BRME1: variants seen among roughly 807,000 people sequenced by gnomAD.
BRME1 encodes the protein break repair meiotic recombinase recruitment factor 1, also known as BRCA2 and MEILB2-associating protein 1.
A neutral mutation model predicts 52.6 loss-of-function variants in BRME1; 31 were observed. The observed-to-expected ratio is 0.59, with a 90% CI of 0.44 to 0.80. The LOEUF is 0.80. BRME1 is among the 30% of genes least tolerant of loss of function. The pLI is 0.00. For missense variants in BRME1, 804 were observed against 860.3 expected (o/e 0.93, Z 0.82); for synonymous variants, 359 against 353.6 (o/e 1.02, Z -0.17).
At chr19:13,901,621 C>T (rs1353313844) in intron 2 of BRME1, among the ~76,000 whole-genome samples, 2 of 151,370 alleles carry the variant, frequency 1.3e-5, no homozygotes, top group Non-Finnish European at 2.9e-5. Context: ...ATCACTTGAA[C>T]CCAGGAGGCA....
chr19:13,886,843 G>A (rs896035931), intron 6 of BRME1, among the ~76,000 whole-genome samples: 4 of 151,862 alleles, frequency 2.6e-5, no homozygotes, highest in Non-Finnish European at 5.9e-5. Flanking sequence ...ACGCACCTGT[G>A]GTCCTAGCTA....
chr19:13,904,238 G>T (rs988443431), intron 2 of BRME1, among the ~76,000 whole-genome samples: 1 of 151,854 alleles, frequency 6.6e-6, no homozygotes, highest in Non-Finnish European at 1.5e-5. Context: ...TGAGTAGCTG[G>T]GACTACAGGT....
chr19:13,895,112 C>T (rs1336576683), intron 3 of BRME1, among the ~76,000 whole-genome samples: 3 of 152,086 alleles, frequency 2.0e-5, no homozygotes, highest in Non-Finnish European at 4.4e-5. Flanking sequence ...CTCGTGACCT[C>T]AAGTGATCTT....
chr19:13,893,276 C>T lies in BRME1; in HGVS notation c.207-53G>A, dbSNP rs1599338567. 4 of 1,479,744 alleles carry T rather than the reference C, an allele frequency of 2.7e-6. No homozygotes were observed. In the East Asian group the frequency reaches 7.4e-5, roughly 27 times the overall value. 91.7% of individuals were successfully genotyped at this position (1,479,744 alleles called of 1,614,324 possible). On this transcript the variant is annotated intron_variant, in intron 3 of 8. Transcript: ENST00000586783. ...AGATCTGCCCGGGTGCGGTGGCTCA[C>T]ACCTGTAATTGCAGCACTTTGGGCG...
At chr19:13,895,762 G>A (rs1969846992) in intron 2 of BRME1, among the ~76,000 whole-genome samples, 1 of 152,174 alleles carries the variant, frequency 6.6e-6, no homozygotes. Context: ...ACACCACCAA[G>A]GGCAGACAAG....
chr19:13,904,261 G>A (rs902626027), intron 2 of BRME1, among the ~76,000 whole-genome samples: 5 of 151,734 alleles, frequency 3.3e-5, no homozygotes, highest in Admixed American at 1.3e-4. Context: ...CTGCCACCAC[G>A]CCCAGCTAAT....
At chr19:13,904,975 G>T in intron 1 of BRME1, 62 bp from the exon 2 acceptor site, 1 of 1,426,726 alleles carries the variant, frequency 7.0e-7, no homozygotes, top group Non-Finnish European at 9.9e-7. Flanking sequence ...ATATCCAGTG[G>T]CTTTGGCTGA....
Position 13,883,339 on chromosome 19 carries a change from G to T in BRME1, c.1825C>A (p.Arg609Ser). 6.5e-7 allele frequency: 1 copy of T among 1,535,156 alleles called. No homozygotes were observed. Among genetic ancestry groups the T allele is most frequent in the Non-Finnish European group, 8.7e-7 (1 of 1,146,174 alleles). Residue 609 changes from arginine to serine, a missense_variant, in exon 8 of 9, where the codon CGT becomes AGT. Coordinates refer to ENST00000586783, the MANE Select transcript of BRME1 (RefSeq NM_001345843.2). This position sits in a 1 kb window ranked among gnomAD's most constrained non-coding sequence, Gnocchi z 4.2. ...TTGGAGAGCTCAACGATGAGGCCAC[G>T]CACGACGTTGGTGGCATCCTCCATC... ...SRMEDATNVVRGLIVELSNLN... is the reference protein window; with the variant it reads ...SRMEDATNVVSGLIVELSNLN...
intron 2 of BRME1, among the ~76,000 whole-genome samples, chr19:13,901,290 T>C (rs1970276133): frequency 6.6e-6 from 1 of 152,120 alleles, no homozygotes; most frequent in African/African-American, 2.4e-5. Flanking sequence ...TTGGGGTGTT[T>C]TTCTTTTCAA....
chr19:13,905,372 G>A (rs922714683), intron 1 of BRME1, among the ~76,000 whole-genome samples: 2 of 152,028 alleles, frequency 1.3e-5, no homozygotes, highest in Admixed American at 6.6e-5. Flanking sequence ...CCTGGGCATC[G>A]TGACGCACAC....
chr19:13,899,615 T>A (rs1214225709), intron 2 of BRME1, among the ~76,000 whole-genome samples: 1 of 152,096 alleles, frequency 6.6e-6, no homozygotes, highest in African/African-American at 2.4e-5. Flanking sequence ...CACCCTTTGA[T>A]CTCCCCTTCG....
intron 2 of BRME1, among the ~76,000 whole-genome samples, chr19:13,898,845 C>A (rs1033657604): frequency 1.3e-5 from 2 of 150,012 alleles, no homozygotes; most frequent in Non-Finnish European, 3.0e-5. Flanking sequence ...ATCGCTTGAA[C>A]CCGGGAGGCG....
chr19:13,903,947 C>T (rs1599362098), intron 2 of BRME1, among the ~76,000 whole-genome samples: 1 of 152,258 alleles, frequency 6.6e-6, no homozygotes, highest in Non-Finnish European at 1.5e-5. Context: ...TTCCAGGGGT[C>T]ATCTCTGGGA....
At chr19:13,898,846 C>A (rs1231290799) in intron 2 of BRME1, among the ~76,000 whole-genome samples, 1 of 150,484 alleles carries the variant, frequency 6.6e-6, no homozygotes, top group Non-Finnish European at 1.5e-5. Flanking sequence ...TCGCTTGAAC[C>A]CGGGAGGCGG....
chr19:13,893,031 C>T (rs1006935120), intron 4 of BRME1, 111 bp downstream of exon 4: 6 of 1,344,580 alleles, frequency 4.5e-6, no homozygotes, highest in African/African-American at 1.5e-5. Context: ...TTCCCTCCAG[C>T]CCCTGTAGAC....
chr19:13,885,187 G>C (rs1416726278), intron 7 of BRME1: 1 of 152,278 alleles, frequency 6.6e-6, no homozygotes, highest in African/African-American at 2.4e-5. Flanking sequence ...GGAGGAGGAG[G>C]GTGTGGGGGC....
chr19:13,884,045 A>G (rs559691316), intron 7 of BRME1, among the ~76,000 whole-genome samples: 180 of 152,134 alleles, frequency 1.2e-3, no homozygotes, highest in African/African-American at 4.3e-3. Flanking sequence ...CCCAGCACCC[A>G]GGGCAGTGCT....
Position 13,889,743 on chromosome 19 carries a change from G to A in BRME1, c.1113C>T (p.Pro371=), listed in dbSNP as rs1243854207. The change falls in exon 6 of 9, where the codon CCC becomes CCT. Residue 371 remains proline (P), a synonymous_variant. Transcript: ENST00000586783. ...GGCCTCCATCAGCGGCCTTCCTCCTGGGAGAGGCAGGTGATATGGCACTGG... is the reference window on the plus strand; with the variant it reads ...GGCCTCCATCAGCGGCCTTCCTCCTAGGAGAGGCAGGTGATATGGCACTGG... ...GQASAISPAS[P]RRKAADGGHR... 2 of 1,609,168 alleles carry A rather than the reference G, an allele frequency of 1.2e-6. No homozygotes were observed. The highest frequency in any genetic ancestry group is 1.7e-6 in the Non-Finnish European group (2 of 1,178,572).
intron 7 of BRME1, among the ~76,000 whole-genome samples, chr19:13,885,672 C>A (rs1968959953): frequency 6.6e-6 from 1 of 152,176 alleles, no homozygotes; most frequent in Non-Finnish European, 1.5e-5. Context: ...CCCCTCTTCC[C>A]AGAGAGAAAG....
Sources: gnomAD v4.1 joint callset for allele counts (sites outside exome capture counted in the v4.1 genomes callset) on GRCh38, gnomAD v4.1.1 for gene constraint, Gnocchi (gnomAD v3.1) non-coding constraint, MANE v1.5 for transcripts, NCBI Gene and HGNC (gene_info 2026-07-23, HGNC 2026-07-21) for gene names.